RPS6KC1: variants seen among roughly 807,000 people sequenced by gnomAD.
RPS6KC1 encodes the protein inactive ribosomal protein S6 kinase delta-1.
RPS6KC1 carries 54 observed loss-of-function variants against 103.8 expected under a neutral mutation model. That is an observed-to-expected ratio of 0.52 (90% CI 0.42 to 0.65). RPS6KC1 has a LOEUF of 0.65. Ranked by LOEUF, RPS6KC1 falls within the 30% of genes least tolerant of loss-of-function variation. RPS6KC1 has a pLI of 0.00. For missense variants in RPS6KC1, 1,151 were observed against 1,253.8 expected (o/e 0.92, Z 1.24); for synonymous variants, 439 against 438.7 (o/e 1.00, Z -0.01).
In RPS6KC1 at chr1:213,272,597, T is replaced by C. The variant is rs748667933; in HGVS notation, c.3164T>C (p.Phe1055Ser). 6.2e-7 allele frequency: 1 copy of C among 1,613,898 alleles called. No individual in the cohort carries two copies. The highest frequency in any genetic ancestry group is 2.2e-5 in the East Asian group (1 of 44,872). ...AGVEDIKSHPFFTPVDWAELM... is the reference protein window; with the variant it reads ...AGVEDIKSHPSFTPVDWAELM... Reference sequence around the variant, plus strand: ...GTTGAAGATATCAAATCTCATCCATTTTTTACCCCTGTGGATTGGGCAGAA... The same window carrying C: ...GTTGAAGATATCAAATCTCATCCATCTTTTACCCCTGTGGATTGGGCAGAA... Residue 1055 changes from phenylalanine to serine, a missense_variant, in exon 15 of 15, where the codon TTT (phenylalanine) becomes TCT (serine). By Grantham distance (155) the Phe-to-Ser change is radical. Coordinates refer to ENST00000366960, the MANE Select transcript of RPS6KC1 (RefSeq NM_012424.6).
the RPS6KC1 span, among the ~76,000 whole-genome samples, chr1:213,761,772 C>T: frequency 6.6e-6 from 1 of 152,078 alleles, no homozygotes; most frequent in Non-Finnish European, 1.5e-5. Context: ...GGGATGAAGG[C>T]AAGAAGAATG....
At chr1:213,216,219 G>T (rs527585757) in intron 8 of RPS6KC1, among the ~76,000 whole-genome samples, 2 of 152,156 alleles carry the variant, frequency 1.3e-5, no homozygotes, top group African/African-American at 2.4e-5. Context: ...AAAGGCAGGT[G>T]TTGCAATCCT....
chr1:213,662,851 A>G, the RPS6KC1 span, among the ~76,000 whole-genome samples: 4 of 152,112 alleles, frequency 2.6e-5, no homozygotes, highest in African/African-American at 7.2e-5. Context: ...TTTCAATCCA[A>G]TTCAATTTGA....
At chr1:213,212,826 C>T (rs2093550331) in intron 8 of RPS6KC1, among the ~76,000 whole-genome samples, 1 of 152,194 alleles carries the variant, frequency 6.6e-6, no homozygotes, top group East Asian at 1.9e-4. Context: ...TTCCTGATGA[C>T]ATGCAATGTT....
the RPS6KC1 span, among the ~76,000 whole-genome samples, chr1:213,750,587 C>T: frequency 6.6e-6 from 1 of 152,076 alleles, no homozygotes; most frequent in Non-Finnish European, 1.5e-5. Context: ...GTTGCTAGCT[C>T]GAGGCATTAG....
At chr1:213,149,869 C>A (rs778821207) in intron 6 of RPS6KC1, among the ~76,000 whole-genome samples, 1 of 152,228 alleles carries the variant, frequency 6.6e-6, no homozygotes, top group Non-Finnish European at 1.5e-5. Flanking sequence ...TATCCTCTCA[C>A]TGAATTGACC....
chr1:213,516,997 T>A, the RPS6KC1 span, among the ~76,000 whole-genome samples: 1 of 152,344 alleles, frequency 6.6e-6, no homozygotes, highest in African/African-American at 2.4e-5. Context: ...TCTTCTAGAT[T>A]TTCTAGTTTA....
At chr1:213,538,068 A>T in the RPS6KC1 span, among the ~76,000 whole-genome samples, 1 of 152,152 alleles carries the variant, frequency 6.6e-6, no homozygotes, top group African/African-American at 2.4e-5. Context: ...AACTCCCAGG[A>T]GTCTTTCCTA....
At chr1:213,616,127 C>T in the RPS6KC1 span, among the ~76,000 whole-genome samples, 1 of 152,224 alleles carries the variant, frequency 6.6e-6, no homozygotes, top group African/African-American at 2.4e-5. Context: ...AAGTGCAAGG[C>T]ATGGCCCCAG....
chr1:213,485,337 T>A, the RPS6KC1 span, among the ~76,000 whole-genome samples: 1 of 152,150 alleles, frequency 6.6e-6, no homozygotes, highest in African/African-American at 2.4e-5. Flanking sequence ...AGGACGGCTT[T>A]GGGGAACAGT....
At chr1:213,220,572 G>A (rs1176743864) in intron 8 of RPS6KC1, among the ~76,000 whole-genome samples, 1 of 152,118 alleles carries the variant, frequency 6.6e-6, no homozygotes, top group Non-Finnish European at 1.5e-5. Flanking sequence ...CAATCTGCCC[G>A]CCTCAGTCTC....
At chr1:213,432,903 T>C in the RPS6KC1 span, among the ~76,000 whole-genome samples, 1 of 152,256 alleles carries the variant, frequency 6.6e-6, no homozygotes, top group African/African-American at 2.4e-5. Context: ...AACATCTGTG[T>C]TGTTTTCAGT....
intron 8 of RPS6KC1, among the ~76,000 whole-genome samples, chr1:213,180,633 T>C (rs1017353014): frequency 5.3e-5 from 8 of 152,148 alleles, no homozygotes; most frequent in South Asian, 2.1e-4. Context: ...ATAGTCTTTG[T>C]GTAGCAATAG....
the RPS6KC1 span, among the ~76,000 whole-genome samples, chr1:213,420,474 A>T: frequency 0.016 from 2,437 of 152,326 alleles, 63 homozygotes; most frequent in African/African-American, 0.054. Flanking sequence ...AGCTCCAACA[A>T]TGCTTACAGA....
chr1:213,252,531 C>T (rs2094563835), intron 12 of RPS6KC1, among the ~76,000 whole-genome samples: 1 of 152,116 alleles, frequency 6.6e-6, no homozygotes, highest in Non-Finnish European at 1.5e-5. Context: ...TAAAGGTATA[C>T]ATTGTGCTTA....
At chr1:213,500,171 A>G in the RPS6KC1 span, among the ~76,000 whole-genome samples, 1 of 152,230 alleles carries the variant, frequency 6.6e-6, no homozygotes, top group African/African-American at 2.4e-5. Flanking sequence ...TATGCTATAC[A>G]ATTTTTTAAA....
At chr1:213,489,642 A>G in the RPS6KC1 span, among the ~76,000 whole-genome samples, 1 of 152,280 alleles carries the variant, frequency 6.6e-6, no homozygotes, top group East Asian at 1.9e-4. Context: ...GCTGCAGCCT[A>G]GGATATAGGA....
At chr1:213,424,487 A>ATC in the RPS6KC1 span, among the ~76,000 whole-genome samples, 1 of 152,238 alleles carries the variant, frequency 6.6e-6, no homozygotes, top group Admixed American at 6.5e-5. Context: ...GGAGGTTTGT[A>ATC]TCTCTCCATA....
At chr1:213,792,303 C>G in the RPS6KC1 span, among the ~76,000 whole-genome samples, 1 of 152,194 alleles carries the variant, frequency 6.6e-6, no homozygotes, top group East Asian at 1.9e-4. Context: ...GTCATGTGAA[C>G]ATAGCACTGG....
Sources: allele counts gnomAD v4.1 joint callset (sites outside exome capture counted in the v4.1 genomes callset), GRCh38; gene constraint gnomAD v4.1.1; transcripts MANE v1.5; gene names NCBI Gene and HGNC (gene_info 2026-07-23, HGNC 2026-07-21).